The following BLOC1S5 variants were observed in gnomAD, a reference collection of about 807,000 sequenced individuals.
BLOC1S5 encodes the protein biogenesis of lysosomal organelles complex 1 subunit 5, also known as biogenesis of lysosome-related organelles complex 1 subunit 5.
A neutral mutation model predicts 24.3 loss-of-function variants in BLOC1S5; 27 were observed. The observed-to-expected ratio is 1.11, with a 90% CI of 0.82 to 1.53. BLOC1S5 has a LOEUF of 1.53. Ranked by LOEUF, BLOC1S5 falls within the 40% of genes most tolerant of loss-of-function variation. The pLI is 0.00. For synonymous variants in BLOC1S5, 84 were observed against 74.5 expected (o/e 1.13, Z -0.66); for missense variants, 239 against 229.4 (o/e 1.04, Z -0.27).
intron 2 of BLOC1S5, among the ~76,000 whole-genome samples, chr6:8,062,086 C>T (rs534809699): frequency 6.5e-4 from 99 of 152,240 alleles, no homozygotes; most frequent in African/African-American, 2.3e-3. Context: ...ATCTAGGTAA[C>T]GTCTAAAAGA....
At chr6:8,019,867 C>T (rs1762863669) in intron 4 of BLOC1S5, among the ~76,000 whole-genome samples, 1 of 152,104 alleles carries the variant, frequency 6.6e-6, no homozygotes, top group Non-Finnish European at 1.5e-5. Flanking sequence ...TAAGACGACA[C>T]CCTATGAAAA....
At chr6:8,044,924 A>C (rs1338582903) in intron 2 of BLOC1S5, among the ~76,000 whole-genome samples, 1 of 152,248 alleles carries the variant, frequency 6.6e-6, no homozygotes, top group Non-Finnish European at 1.5e-5. Context: ...AATGCAAAAG[A>C]AAAGAAAATT....
intron 3 of BLOC1S5, among the ~76,000 whole-genome samples, chr6:8,037,453 A>G (rs1209459976): frequency 6.6e-6 from 1 of 152,162 alleles, no homozygotes; most frequent in Non-Finnish European, 1.5e-5. Flanking sequence ...AAACTATAAA[A>G]CTTTGATGAA....
chr6:8,023,947 G>C lies in BLOC1S5; in HGVS notation c.384+2420C>G, dbSNP rs542679418. ...AAAACAGAAAAAGAAAAAGAAAAAA[G>C]AAATAAAGACAGGACTAAAAGTTTA... On this transcript the variant is annotated intron_variant, in intron 4 of 4. Transcript: ENST00000397457. Among the ~76,000 whole-genome samples the C allele has an allele frequency of 3.3e-5, 5 of 152,154 alleles. No homozygotes were observed. The East Asian group carries it at 7.7e-4, about 23-fold the overall frequency.
At chr6:8,022,047 G>T (rs1179792974) in intron 4 of BLOC1S5, among the ~76,000 whole-genome samples, 2 of 151,918 alleles carry the variant, frequency 1.3e-5, no homozygotes, top group Non-Finnish European at 2.9e-5. Context: ...ATTTGAAATA[G>T]AAACCAATCC....
intron 3 of BLOC1S5, among the ~76,000 whole-genome samples, chr6:8,039,260 T>A (rs538268520): frequency 6.6e-6 from 1 of 152,076 alleles, no homozygotes; most frequent in East Asian, 1.9e-4. Context: ...ATATAGAGAG[T>A]AGACTGGTAG....
Position 8,015,442 on chromosome 6 carries a change from T to C in BLOC1S5, c.*207A>G. 1 of 517,300 alleles carries C rather than the reference T, an allele frequency of 1.9e-6. No individual in the cohort carries two copies. The highest frequency in any genetic ancestry group is 3.7e-5 in the Admixed American group (1 of 27,360). The allele number at this position is 517,300 out of a possible 1,614,324, so 32.0% of individuals were successfully genotyped here. A position where few individuals can be genotyped will look rare whatever the true frequency, so the allele number is the denominator to read the frequency against. On this transcript the variant is annotated 3_prime_UTR_variant, in exon 5 of 5. Coordinates refer to ENST00000397457, the MANE Select transcript of BLOC1S5 (RefSeq NM_201280.3). The stretch of plus-strand genomic sequence containing the variant: ...CTACTCCTCTTCATTCAAATAATCA[T>C]ATATAGGCACTTAAAGCTGGAAAAA...
At chr6:8,030,987 G>A (rs114909964) in intron 3 of BLOC1S5, among the ~76,000 whole-genome samples, 5,949 of 152,104 alleles carry the variant, frequency 0.039, 371 homozygotes, top group African/African-American at 0.13. Context: ...CCCTAAGGTA[G>A]TAAAAGCCAT....
In BLOC1S5 at chr6:8,057,162, T is replaced by C. The variant is rs769419467; in HGVS notation, c.195+5372A>G. On this transcript the variant is annotated intron_variant, in intron 2 of 4. Coordinates refer to ENST00000397457, the MANE Select transcript of BLOC1S5 (RefSeq NM_201280.3). ...TGAATCTGGGAGGGGGAGGTTACAG[T>C]GAGTCGAGATCGCACCATTGTACTC... 1.9e-4 allele frequency among the ~76,000 whole-genome samples: 29 copies of C among 151,882 alleles called. 1 individual carries two copies. The highest frequency in any genetic ancestry group is 2.2e-4 in the Non-Finnish European group (15 of 67,984).
At chr6:8,027,996 AG>A (rs1763167138) in intron 3 of BLOC1S5, among the ~76,000 whole-genome samples, 1 of 152,240 alleles carries the variant, frequency 6.6e-6, no homozygotes, top group African/African-American at 2.4e-5. Context: ...CCTCCTGATT[AG>A]TCCCTTCCCT....
intron 2 of BLOC1S5, among the ~76,000 whole-genome samples, chr6:8,059,057 C>T (rs1459524355): frequency 6.6e-6 from 1 of 152,234 alleles, no homozygotes; most frequent in Non-Finnish European, 1.5e-5. Context: ...TCTGCTCCAC[C>T]TGAGAAAGGC....
At position 8,041,261 on chromosome 6, in the gene BLOC1S5, C is replaced by T. The variant is rs751573371; in HGVS notation, c.203G>A (p.Arg68His). The change falls in exon 3 of 5, where the codon CGT becomes CAT. Residue 68 changes from arginine (R) to histidine (H), a missense_variant. Arg to His is a conservative substitution (Grantham distance 29, BLOSUM62 0). Coordinates refer to ENST00000397457, the MANE Select transcript of BLOC1S5 (RefSeq NM_201280.3). ...RYFVKEFEEK[R>H]GLREMRVLEN... Reference sequence around the variant, plus strand: ...AAGAACTCGCATTTCTCGAAGACCACGTTTTTCCTATTAAAAGAAAGTAGA... The same window carrying T: ...AAGAACTCGCATTTCTCGAAGACCATGTTTTTCCTATTAAAAGAAAGTAGA... The T allele has an allele frequency of 5.0e-6, 8 of 1,594,350 alleles. No homozygotes were observed. Among genetic ancestry groups the T allele is most frequent in the Admixed American group, 3.4e-5 (2 of 58,512 alleles).
intron 3 of BLOC1S5, among the ~76,000 whole-genome samples, chr6:8,034,982 TAC>T (rs145805923): frequency 0.019 from 2,921 of 151,678 alleles, 90 homozygotes; most frequent in African/African-American, 0.066. Flanking sequence ...CATACACATA[TAC>T]ACACACACCA....
At chr6:8,036,801 C>T (rs926060816) in intron 3 of BLOC1S5, among the ~76,000 whole-genome samples, 16 of 152,142 alleles carry the variant, frequency 1.1e-4, no homozygotes, top group African/African-American at 3.6e-4. Context: ...CCAAATTCAA[C>T]AACATGTTAA....
chr6:8,025,509 T>G (rs1171346350), intron 4 of BLOC1S5, among the ~76,000 whole-genome samples: 1 of 152,236 alleles, frequency 6.6e-6, no homozygotes, highest in East Asian at 1.9e-4. Flanking sequence ...CTGTCTTAAA[T>G]GTCAAGTCCT....
intron 4 of BLOC1S5, among the ~76,000 whole-genome samples, chr6:8,020,053 C>G (rs6901341): frequency 0.024 from 3,652 of 152,308 alleles, 150 homozygotes; most frequent in African/African-American, 0.081. Flanking sequence ...TCACCATATT[C>G]ACCATAATAT....
chr6:8,057,219 C>CA (rs1414658715), intron 2 of BLOC1S5, among the ~76,000 whole-genome samples: 2 of 148,856 alleles, frequency 1.3e-5, no homozygotes, highest in Admixed American at 6.7e-5. Flanking sequence ...AACTCCGTCT[C>CA]AAAAAAAAGA....
At chr6:8,064,136 A>G (rs1757361702) in intron 1 of BLOC1S5, 129 bp downstream of exon 1, 5 of 679,072 alleles carry the variant, frequency 7.4e-6, no homozygotes, top group Non-Finnish European at 9.3e-6. Context: ...ACCGACCACG[A>G]CTCCCCCACC....
chr6:8,047,022 A>G (rs549274525), intron 2 of BLOC1S5, among the ~76,000 whole-genome samples: 1 of 152,102 alleles, frequency 6.6e-6, no homozygotes, highest in Admixed American at 6.6e-5. Context: ...GAGCTCAAGC[A>G]ATACTCCCAC....
Sources: gnomAD v4.1 joint callset for allele counts (sites outside exome capture counted in the v4.1 genomes callset) on GRCh38, gnomAD v4.1.1 for gene constraint, MANE v1.5 for transcripts, NCBI Gene and HGNC (gene_info 2026-07-23, HGNC 2026-07-21) for gene names.